Variants in EIF2B3 observed in about 807,000 individuals in gnomAD.
EIF2B3 encodes translation initiation factor eIF2B subunit gamma.
EIF2B3 carries 20 observed loss-of-function variants against 54.1 expected under a neutral mutation model. The ratio of observed to expected loss-of-function variants is 0.37; its 90% CI spans 0.26 to 0.54. EIF2B3 has a LOEUF of 0.54. Among genes scored for constraint, EIF2B3 ranks in the 20% least tolerant of loss-of-function variants. The probability of loss-of-function intolerance (pLI) is 0.86; values close to 1 mark genes in which losing one functional copy is unlikely to be tolerated. For missense variants in EIF2B3, 448 were observed against 547.8 expected (o/e 0.82, Z 1.82); for synonymous variants, 153 against 188.1 (o/e 0.81, Z 1.52).
chr1:44,864,333 G>C (rs1460623365), intron 10 of EIF2B3, among the ~76,000 whole-genome samples: 1 of 152,194 alleles, frequency 6.6e-6, no homozygotes, highest in Non-Finnish European at 1.5e-5. Context: ...GGGAGGCTGA[G>C]GCGGGTGGAT....
chr1:44,903,793 G>A (rs1045554771), intron 5 of EIF2B3, among the ~76,000 whole-genome samples: 1 of 152,192 alleles, frequency 6.6e-6, no homozygotes, highest in Non-Finnish European at 1.5e-5. Context: ...TGAGTGTGTT[G>A]GCTAGGTGTG....
At chr1:44,919,687 G>A (rs1282695545) in intron 5 of EIF2B3, among the ~76,000 whole-genome samples, 1 of 150,750 alleles carries the variant, frequency 6.6e-6, no homozygotes, top group African/African-American at 2.4e-5. Context: ...CATCATACTG[G>A]GGATTCATTT....
At chr1:44,945,412 G>C (rs1294123107) in intron 3 of EIF2B3, among the ~76,000 whole-genome samples, 1 of 151,914 alleles carries the variant, frequency 6.6e-6, no homozygotes, top group Non-Finnish European at 1.5e-5. Context: ...AAATCAGCAG[G>C]GCGTGGTGGC....
intron 5 of EIF2B3, among the ~76,000 whole-genome samples, chr1:44,902,698 T>C (rs1028242089): frequency 1.3e-5 from 2 of 151,276 alleles, no homozygotes; most frequent in Non-Finnish European, 2.9e-5. Context: ...CATGGTGGCA[T>C]GTGCCTGTGG....
At chr1:44,957,420 A>G (rs1322255402) in intron 3 of EIF2B3, among the ~76,000 whole-genome samples, 2 of 152,242 alleles carry the variant, frequency 1.3e-5, no homozygotes. Context: ...AAAGATCATA[A>G]TGTATTCAAT....
chr1:44,903,701 T>G (rs941811261), intron 5 of EIF2B3, among the ~76,000 whole-genome samples: 3 of 152,260 alleles, frequency 2.0e-5, no homozygotes, highest in African/African-American at 7.2e-5. Context: ...TAAGAATTTC[T>G]AGCCTAGTGG....
At chr1:44,946,701 G>A (rs999454036) in intron 3 of EIF2B3, among the ~76,000 whole-genome samples, 2 of 148,582 alleles carry the variant, frequency 1.3e-5, no homozygotes, top group Non-Finnish European at 1.5e-5. Flanking sequence ...AGGCTCAAGT[G>A]ATCTTCCTGT....
At chr1:44,970,719 AGTTTAT>A (rs1644391278) in intron 3 of EIF2B3, among the ~76,000 whole-genome samples, 1 of 152,090 alleles carries the variant, frequency 6.6e-6, no homozygotes, top group South Asian at 2.1e-4. Context: ...CCTTTCTACA[AGTTTAT>A]GTTAATTCTA....
Position 44,874,789 on chromosome 1 carries a change from A to C in EIF2B3, c.1091T>G (p.Ile364Ser). The C allele has an allele frequency of 6.2e-7, 1 of 1,614,148 alleles. No individual in the cohort carries two copies. Among genetic ancestry groups the C allele is most frequent in the Non-Finnish European group, 8.5e-7 (1 of 1,180,020 alleles). The change falls in exon 10 of 12, where the codon ATT becomes AGT. Residue 364 changes from isoleucine (I) to serine (S), a missense_variant. Around this residue, in one of 3 missense-constraint regions of EIF2B3, gnomAD observed 350 missense variants for 414.2 expected, o/e 0.85. Coordinates refer to ENST00000360403, the MANE Select transcript of EIF2B3 (RefSeq NM_020365.5). Reference protein sequence around the residue: ...VDSLIGPETQIGEKSSIKRSV... With the variant: ...VDSLIGPETQSGEKSSIKRSV... ...GCGCTTAATGGATGACTTCTCTCCAATCTGTGTCTCTGGCCCAATGAGGCT... is the reference window on the plus strand; with the variant it reads ...GCGCTTAATGGATGACTTCTCTCCACTCTGTGTCTCTGGCCCAATGAGGCT...
chr1:44,857,860 CATTACT>C, intron 10 of EIF2B3, 53 bp from the exon 11 acceptor site: 1 of 1,558,726 alleles, frequency 6.4e-7, no homozygotes, highest in Non-Finnish European at 8.8e-7. Flanking sequence ...TCACCATCCT[CATTACT>C]ATTGGTTGGG....
At chr1:44,945,254 TA>T (rs111913754) in intron 3 of EIF2B3, among the ~76,000 whole-genome samples, 22,716 of 143,354 alleles carry the variant, frequency 0.16, 1,743 homozygotes, top group Non-Finnish European at 0.18. Context: ...ACTCTGAGAC[TA>T]AAAAAAAAAA....
intron 3 of EIF2B3, among the ~76,000 whole-genome samples, chr1:44,948,021 G>C (rs960422501): frequency 1.6e-4 from 25 of 152,194 alleles, no homozygotes; most frequent in African/African-American, 6.0e-4. Flanking sequence ...TTGTGTGCTT[G>C]AATAAACACC....
chr1:44,967,425 CA>C (rs1644354437), intron 3 of EIF2B3, among the ~76,000 whole-genome samples: 1 of 142,296 alleles, frequency 7.0e-6, no homozygotes, highest in South Asian at 2.2e-4. Flanking sequence ...CCAGCGTGGG[CA>C]ACAGAGCGAG....
At chr1:44,871,833 G>T (rs959993864) in intron 10 of EIF2B3, among the ~76,000 whole-genome samples, 23 of 150,644 alleles carry the variant, frequency 1.5e-4, no homozygotes, top group African/African-American at 5.4e-4. Flanking sequence ...AAAATAGGGA[G>T]ATGTTTCTGG....
chr1:44,935,687 G>C (rs559972660), intron 4 of EIF2B3, among the ~76,000 whole-genome samples: 68 of 152,212 alleles, frequency 4.5e-4, no homozygotes, highest in Non-Finnish European at 8.5e-4. Context: ...TTTTTAGAGA[G>C]AGAGGGTTTC....
intron 3 of EIF2B3, among the ~76,000 whole-genome samples, chr1:44,965,754 C>T (rs896909837): frequency 3.3e-5 from 5 of 150,776 alleles, no homozygotes; most frequent in African/African-American, 1.2e-4. Flanking sequence ...ATCTTCGTGC[C>T]TCGGCCTCCT....
intron 3 of EIF2B3, among the ~76,000 whole-genome samples, chr1:44,957,019 T>C (rs1396011918): frequency 6.6e-6 from 1 of 152,154 alleles, no homozygotes; most frequent in Non-Finnish European, 1.5e-5. Flanking sequence ...TCCCAGCATT[T>C]TGAGAGACCA....
intron 11 of EIF2B3, among the ~76,000 whole-genome samples, chr1:44,852,916 T>G (rs747610033): frequency 2.0e-5 from 3 of 152,028 alleles, no homozygotes; most frequent in Admixed American, 2.0e-4. Context: ...TAAGATAGGA[T>G]ATGGTCATAT....
chr1:44,908,008 T>TCTCATGACTCTGGGCTGGG (rs1373105722), intron 5 of EIF2B3, among the ~76,000 whole-genome samples: 21 of 151,094 alleles, frequency 1.4e-4, no homozygotes, highest in African/African-American at 5.1e-4. Flanking sequence ...CTATTTTGCA[T>TCTCATGACTCTGGGCTGGG]CTCATGACTC....
Sources: gnomAD v4.1 joint callset for allele counts (sites outside exome capture counted in the v4.1 genomes callset) on GRCh38, gnomAD v4.1.1 for gene constraint, gnomAD v4.1.1 regional missense constraint, MANE v1.5 for transcripts, NCBI Gene and HGNC (gene_info 2026-07-23, HGNC 2026-07-21) for gene names.